MAB21L3: variants seen among roughly 807,000 people sequenced by gnomAD.
The protein encoded by MAB21L3 is mab-21 like 3.
In MAB21L3, 36 loss-of-function variants were observed where a neutral mutation model predicts 37.7. The observed-to-expected ratio is 0.96, with a 90% confidence interval of 0.73 to 1.26. The LOEUF (loss-of-function observed/expected upper bound fraction) is 1.26, where lower values mean the gene tolerates loss of function less well. MAB21L3 is among the 50% of genes most tolerant of loss of function. The probability of loss-of-function intolerance (pLI) is 0.00; values close to 1 mark genes in which losing one functional copy is unlikely to be tolerated. For missense variants in MAB21L3, 430 were observed against 447.3 expected (o/e 0.96, Z 0.35); for synonymous variants, 186 against 176.8 (o/e 1.05, Z -0.41).
Position 116,136,580 on chromosome 1 carries a change from C to T in MAB21L3, c.*3215C>T, listed in dbSNP as rs923101677. ...TAATTTACAGATTCAATGCCATCCCCATCAAGCTACCAATGACTTTCTTCA... is the reference window on the plus strand; with the variant it reads ...TAATTTACAGATTCAATGCCATCCCTATCAAGCTACCAATGACTTTCTTCA... On this transcript the variant is annotated 3_prime_UTR_variant, in exon 8 of 8. Transcript: ENST00000369500. Among the ~76,000 whole-genome samples the T allele has an allele frequency of 7.2e-5, 11 of 152,156 alleles. No individual in the cohort carries two copies. The highest frequency in any genetic ancestry group is 2.7e-4 in the African/African-American group (11 of 41,420).
rs1660182560 is a variant in MAB21L3, at chr1:116,135,490, C to T, written c.*2125C>T. Among the ~76,000 whole-genome samples, 2 of 152,026 alleles carry T rather than the reference C, an allele frequency of 1.3e-5. No homozygotes were observed. The highest frequency in any genetic ancestry group is 4.1e-4 in the South Asian group (2 of 4,822). ...CTGAAATTGTGGCAATAATCAATAG[C>T]TTACCAACCAAAAAGAGTCCAGGAC... On this transcript the variant is annotated 3_prime_UTR_variant, in exon 8 of 8. Coordinates refer to ENST00000369500, the MANE Select transcript of MAB21L3 (RefSeq NM_152367.3).
intron 7 of MAB21L3, among the ~76,000 whole-genome samples, chr1:116,130,523 T>C (rs1212597504): frequency 6.6e-6 from 1 of 152,236 alleles, no homozygotes; most frequent in Non-Finnish European, 1.5e-5. Flanking sequence ...GTGATAAATG[T>C]GGTGCTAGAC....
chr1:116,112,882 T>C (rs1394506766), intron 3 of MAB21L3, among the ~76,000 whole-genome samples: 1 of 152,078 alleles, frequency 6.6e-6, no homozygotes, highest in African/African-American at 2.4e-5. Flanking sequence ...GTATAGAATA[T>C]AGAATGGAGA....
rs1660217998 is a variant in MAB21L3, at chr1:116,137,390, G to A, written c.*4025G>A. 1.6e-5 allele frequency among the ~76,000 whole-genome samples: 2 copies of A among 128,682 alleles called. 1 individual carries two copies. The highest frequency in any genetic ancestry group is 1.4e-4 in the Admixed American group (2 of 14,186). 84.4% of individuals were successfully genotyped at this position (128,682 alleles called of 152,430 possible). A position where few individuals can be genotyped will look rare whatever the true frequency, so the allele number is the denominator to read the frequency against. On this transcript the variant is annotated 3_prime_UTR_variant, in exon 8 of 8. Coordinates refer to ENST00000369500, the MANE Select transcript of MAB21L3 (RefSeq NM_152367.3). ...ACATGAAAAATGCTCATCATCACTG[G>A]CCATCAGAGAAATGCAAATCAAAAC...
Position 116,111,686 on chromosome 1 carries a change from T to G in MAB21L3, c.-334T>G, listed in dbSNP as rs1659428406. On this transcript the variant is annotated 5_prime_UTR_variant, in exon 2 of 8. Coordinates refer to ENST00000369500, the MANE Select transcript of MAB21L3 (RefSeq NM_152367.3). ...TTACTGCCTGAGCTGTTTTCCAACA[T>G]AAGTTTTGCTGGCAAAACCAGACGT... 6.6e-6 allele frequency: 1 copy of G among 151,920 alleles called. No individual in the cohort carries two copies. The highest frequency in any genetic ancestry group is 6.6e-5 in the Admixed American group (1 of 15,254). 9.4% of individuals were successfully genotyped at this position (151,920 alleles called of 1,614,324 possible). A position where few individuals can be genotyped will look rare whatever the true frequency, so the allele number is the denominator to read the frequency against.
chr1:116,127,502 G>T lies in MAB21L3; in HGVS notation c.518G>T (p.Trp173Leu). 1 of 1,614,160 alleles carries T rather than the reference G, an allele frequency of 6.2e-7. No homozygotes were observed. The highest frequency in any genetic ancestry group is 8.5e-7 in the Non-Finnish European group (1 of 1,180,026). ...VSLLGNRSAV[W>L]VAVETSAYQV... is the part of the protein sequence containing the mutation. ...CTGCTAGGAAACCGCTCTGCAGTTT[G>T]GGTTGCTGTGGAAACATCTGCATAT... The change falls in exon 6 of 8, where the codon TGG becomes TTG. Residue 173 changes from tryptophan to leucine, a missense_variant. Trp to Leu is a moderately conservative substitution (Grantham distance 61). Transcript: ENST00000369500.
chr1:116,117,166 T>C (rs983000509), intron 3 of MAB21L3, among the ~76,000 whole-genome samples: 3,347 of 111,488 alleles, frequency 0.03, 184 homozygotes, highest in African/African-American at 0.1. Flanking sequence ...TACATACATA[T>C]ATATATATAT....
chr1:116,124,880 CACACACACAT>C (rs567974814), intron 5 of MAB21L3, among the ~76,000 whole-genome samples: 6,705 of 145,704 alleles, frequency 0.046, 251 homozygotes, highest in African/African-American at 0.11. Context: ...TACACACACA[CACACACACAT>C]ACACACACAC....
intron 3 of MAB21L3, among the ~76,000 whole-genome samples, chr1:116,115,727 T>C (rs1474844420): frequency 6.6e-6 from 1 of 152,224 alleles, no homozygotes; most frequent in Non-Finnish European, 1.5e-5. Context: ...TAAATCCCCA[T>C]AATTTATATT....
At position 116,126,841 on chromosome 1, in the gene MAB21L3, C is replaced by T. The variant is rs540118256; in HGVS notation, c.482-625C>T. ...ACTTTACAAGGGTGCGAAAGTGATA[C>T]ATGTTTAGTAGAACCCATACTTCGA... On this transcript the variant is annotated intron_variant, in intron 5 of 7. Transcript: ENST00000369500. 5.9e-5 allele frequency among the ~76,000 whole-genome samples: 9 copies of T among 152,288 alleles called. No homozygotes were observed. The South Asian group carries it at 1.9e-3, about 32-fold the overall frequency.
At chr1:116,120,448 C>CAT (rs144386822) in intron 3 of MAB21L3, among the ~76,000 whole-genome samples, 2,104 of 149,740 alleles carry the variant, frequency 0.014, 46 homozygotes, top group African/African-American at 0.049. Context: ...CACACACACA[C>CAT]ATATATATAT....
intron 5 of MAB21L3, among the ~76,000 whole-genome samples, chr1:116,125,875 G>A (rs1202142041): frequency 2.6e-5 from 4 of 152,182 alleles, no homozygotes; most frequent in South Asian, 2.1e-4. Context: ...GGTGTGGGCC[G>A]GCAGGGTGTG....
Position 116,127,659 on chromosome 1 carries a change from G to A in MAB21L3, c.660+15G>A. The A allele has an allele frequency of 6.2e-7, 1 of 1,602,594 alleles. No homozygotes were observed. The highest frequency in any genetic ancestry group is 8.5e-7 in the Non-Finnish European group (1 of 1,174,490). ...AGTGCATCAAGGTATCAGTGGGCGG[G>A]ACCCAGCTTGCCAGAGCAGTGATGC... On this transcript the variant is annotated intron_variant, in intron 6 of 7. Transcript: ENST00000369500.
intron 7 of MAB21L3, among the ~76,000 whole-genome samples, chr1:116,130,747 A>T (rs1275666770): frequency 6.6e-6 from 1 of 152,196 alleles, no homozygotes; most frequent in Admixed American, 6.5e-5. Context: ...CTTATCTTTT[A>T]TTGCCTTATT....
chr1:116,117,611 C>G (rs545177122), intron 3 of MAB21L3, among the ~76,000 whole-genome samples: 1 of 152,266 alleles, frequency 6.6e-6, no homozygotes, highest in South Asian at 2.1e-4. Context: ...TTACTGATAT[C>G]CCACAGCCTC....
At position 116,136,537 on chromosome 1, in the gene MAB21L3, T is replaced by A. The variant is rs968138997; in HGVS notation, c.*3172T>A. Among the ~76,000 whole-genome samples the A allele has an allele frequency of 2.0e-5, 3 of 152,186 alleles. No homozygotes were observed. The highest frequency in any genetic ancestry group is 7.2e-5 in the African/African-American group (3 of 41,430). ...GTAGGAAGAATCAATATCGTCAAAA[T>A]GGCCAGACTGCCCAAGGTAATTTAC... On this transcript the variant is annotated 3_prime_UTR_variant, in exon 8 of 8. Transcript: ENST00000369500.
intron 5 of MAB21L3, 87 bp from the exon 6 acceptor site, chr1:116,127,379 G>T (rs1659937761): frequency 7.3e-7 from 1 of 1,374,950 alleles, no homozygotes; most frequent in South Asian, 1.3e-5. Context: ...GTGCTGGTCA[G>T]AGCAACTGCT....
rs1660229414 is a variant in MAB21L3, at chr1:116,138,078, C to G, written c.*4713C>G. ...GCATGGCACATGTATACATATGTAA[C>G]TAACCTGCACATTGTGCACATGTAC... On this transcript the variant is annotated 3_prime_UTR_variant, in exon 8 of 8. Coordinates refer to ENST00000369500, the MANE Select transcript of MAB21L3 (RefSeq NM_152367.3). 6.6e-6 allele frequency among the ~76,000 whole-genome samples: 1 copy of G among 150,500 alleles called. No homozygotes were observed. Among genetic ancestry groups the G allele is most frequent in the Admixed American group, 6.6e-5 (1 of 15,140 alleles).
intron 7 of MAB21L3, among the ~76,000 whole-genome samples, chr1:116,129,254 A>AG (rs1337008637): frequency 1.3e-5 from 2 of 152,130 alleles, no homozygotes; most frequent in Non-Finnish European, 2.9e-5. Flanking sequence ...CTCCCTGGAG[A>AG]GGGGGCCTTT....
Sources: gnomAD v4.1 joint callset for allele counts (sites outside exome capture counted in the v4.1 genomes callset) on GRCh38, gnomAD v4.1.1 for gene constraint, MANE v1.5 for transcripts, NCBI Gene and HGNC (gene_info 2026-07-23, HGNC 2026-07-21) for gene names.